The following DOK6 variants were observed in gnomAD, a reference collection of about 807,000 sequenced individuals.
The protein encoded by DOK6 is downstream of tyrosine kinase 6.
A neutral mutation model predicts 44.0 loss-of-function variants in DOK6; 22 were observed. That is an observed-to-expected ratio of 0.50 (90% confidence interval 0.36 to 0.71). DOK6 has a LOEUF of 0.71. Among genes scored for constraint, DOK6 ranks in the 30% least tolerant of loss-of-function variants. DOK6 has a pLI of 0.00. For missense variants in DOK6, 340 were observed against 416.4 expected (o/e 0.82, Z 1.60); for synonymous variants, 166 against 145.5 (o/e 1.14, Z -1.01).
At chr18:69,630,368 C>T (rs62089921) in intron 3 of DOK6, among the ~76,000 whole-genome samples, 1 of 152,118 alleles carries the variant, frequency 6.6e-6, no homozygotes, top group African/African-American at 2.4e-5. Context: ...AAAGGAATGT[C>T]CCACCTTGTC....
chr18:69,830,934 TA>T (rs2145132431), intron 7 of DOK6, among the ~76,000 whole-genome samples: 1 of 152,290 alleles, frequency 6.6e-6, no homozygotes, highest in East Asian at 1.9e-4. Context: ...GCTTCTAATT[TA>T]TTTTTTTTCC....
intron 7 of DOK6, among the ~76,000 whole-genome samples, chr18:69,832,288 T>C (rs1191291238): frequency 2.0e-5 from 3 of 152,170 alleles, no homozygotes; most frequent in African/African-American, 4.8e-5. Context: ...ATTAAAATGA[T>C]CTAGTTTTAG....
At chr18:69,437,656 C>G (rs1427202739) in intron 1 of DOK6, among the ~76,000 whole-genome samples, 1 of 152,094 alleles carries the variant, frequency 6.6e-6, no homozygotes, top group Non-Finnish European at 1.5e-5. Flanking sequence ...TATATGGGCT[C>G]TTTTTATGTT....
chr18:69,531,968 G>A (rs920714527), intron 1 of DOK6, among the ~76,000 whole-genome samples: 3 of 152,096 alleles, frequency 2.0e-5, no homozygotes, highest in Admixed American at 6.6e-5. Context: ...CGAGGGTGGG[G>A]CCTCCATGGT....
At chr18:69,800,289 A>G (rs1194534902) in intron 7 of DOK6, among the ~76,000 whole-genome samples, 3 of 152,136 alleles carry the variant, frequency 2.0e-5, no homozygotes, top group Non-Finnish European at 4.4e-5. Flanking sequence ...TCTTACAATT[A>G]GTTTCTTCTC....
intron 3 of DOK6, among the ~76,000 whole-genome samples, chr18:69,647,088 T>TC (rs1985099452): frequency 7.6e-6 from 1 of 131,744 alleles, no homozygotes; most frequent in Admixed American, 8.1e-5. Flanking sequence ...GTCTATCCTA[T>TC]CTGTCTATCC....
rs2144737774 is a variant in DOK6, at chr18:69,738,956, T to C, written c.600-9T>C. The C allele has an allele frequency of 1.2e-6, 2 of 1,613,694 alleles. No homozygotes were observed. The highest frequency in any genetic ancestry group is 2.2e-5 in the East Asian group (1 of 44,880). On this transcript the variant is annotated splice_polypyrimidine_tract_variant and intron_variant, in intron 5 of 7. Coordinates refer to ENST00000382713, the MANE Select transcript of DOK6 (RefSeq NM_152721.6). ...AGACCCATCTCTTTCCCTATCTCTA[T>C]TCTCACAGAATGTGTGACACAGGAG... is the stretch of plus-strand genomic sequence containing the variant.
At chr18:69,481,211 TG>T (rs1207861313) in intron 1 of DOK6, among the ~76,000 whole-genome samples, 1 of 151,944 alleles carries the variant, frequency 6.6e-6, no homozygotes, top group Non-Finnish European at 1.5e-5. Flanking sequence ...ACATGTGTGA[TG>T]GGGATTTTTT....
At chr18:69,433,313 A>T (rs1156681746) in intron 1 of DOK6, among the ~76,000 whole-genome samples, 1 of 152,218 alleles carries the variant, frequency 6.6e-6, no homozygotes. Flanking sequence ...TCTGAGAACC[A>T]ATGTAATATG....
intron 5 of DOK6, among the ~76,000 whole-genome samples, chr18:69,715,518 C>A (rs1215742570): frequency 6.6e-6 from 1 of 152,216 alleles, no homozygotes; most frequent in African/African-American, 2.4e-5. Flanking sequence ...AATCAGCTCT[C>A]GCGATCTCAC....
At chr18:69,717,260 G>T (rs1986905043) in intron 5 of DOK6, among the ~76,000 whole-genome samples, 1 of 151,796 alleles carries the variant, frequency 6.6e-6, no homozygotes, top group African/African-American at 2.4e-5. Context: ...TATGACAAAA[G>T]TTTTTGTAAT....
intron 1 of DOK6, among the ~76,000 whole-genome samples, chr18:69,540,901 A>G (rs1181072986): frequency 6.6e-6 from 1 of 152,082 alleles, no homozygotes; most frequent in Non-Finnish European, 1.5e-5. Flanking sequence ...CATTTCTACT[A>G]CCACACAAAT....
rs1028304832 is a variant in DOK6, at chr18:69,463,029, G to A, written c.66+61719G>A. Among the ~76,000 whole-genome samples the A allele has an allele frequency of 4.6e-5, 7 of 152,298 alleles. No individual in the cohort carries two copies. In the East Asian group the frequency reaches 1.4e-3, roughly 29 times the overall value. ...ACTGTCTTAGTCCATTTGGATGGCT[G>A]TAACAAAATAACATCAATTGGGTTG... On this transcript the variant is annotated intron_variant, in intron 1 of 7. Transcript: ENST00000382713.
intron 5 of DOK6, among the ~76,000 whole-genome samples, chr18:69,719,254 G>A (rs1333977800): frequency 6.6e-6 from 1 of 152,120 alleles, no homozygotes; most frequent in Non-Finnish European, 1.5e-5. Context: ...TGATTGGTTG[G>A]GGATAAAAAT....
chr18:69,502,582 A>G (rs1429067395), intron 1 of DOK6, among the ~76,000 whole-genome samples: 1 of 152,098 alleles, frequency 6.6e-6, no homozygotes, highest in East Asian at 1.9e-4. Context: ...AGAAACTAGT[A>G]AAGTATCAAC....
In DOK6 at chr18:69,652,120, CCTT is replaced by C. The variant is rs1240457522; in HGVS notation, c.290-25610_290-25608del. Among the ~76,000 whole-genome samples the C allele has an allele frequency of 5.3e-5, 8 of 152,202 alleles. No homozygotes were observed. In the East Asian group the frequency reaches 1.5e-3, roughly 29 times the overall value. ...ACAGCTTGTGGAAAAATAAGGGTGT[CCTT>C]CTTTCATTACCAAGGAGCAATTGTG... On this transcript the variant is annotated intron_variant, in intron 3 of 7. Transcript: ENST00000382713.
At chr18:69,816,564 G>A (rs1981404917) in intron 7 of DOK6, among the ~76,000 whole-genome samples, 1 of 152,186 alleles carries the variant, frequency 6.6e-6, no homozygotes, top group African/African-American at 2.4e-5. Context: ...TAAATATTAT[G>A]TATGGAGCAT....
intron 2 of DOK6, among the ~76,000 whole-genome samples, chr18:69,583,232 C>T (rs549746325): frequency 6.6e-6 from 1 of 152,262 alleles, no homozygotes; most frequent in South Asian, 2.1e-4. Flanking sequence ...ATTAACTTTT[C>T]CAAATCTGAT....
intron 7 of DOK6, among the ~76,000 whole-genome samples, chr18:69,764,168 G>A (rs943895076): frequency 6.6e-6 from 1 of 152,080 alleles, no homozygotes. Context: ...TAACATGATG[G>A]CTCAAAATCC....
Sources: gnomAD v4.1 joint callset for allele counts (sites outside exome capture counted in the v4.1 genomes callset) on GRCh38, gnomAD v4.1.1 for gene constraint, MANE v1.5 for transcripts, NCBI Gene and HGNC (gene_info 2026-07-23, HGNC 2026-07-21) for gene names.